The following KIAA0319L variants were observed in gnomAD, a reference collection of about 807,000 sequenced individuals.
The protein encoded by KIAA0319L is KIAA0319 like, also known as dyslexia-associated protein KIAA0319-like protein.
A neutral mutation model predicts 120.1 loss-of-function variants in KIAA0319L; 55 were observed. The ratio of observed to expected loss-of-function variants is 0.46; its 90% confidence interval spans 0.37 to 0.57. KIAA0319L has a LOEUF of 0.57. KIAA0319L is among the 20% of genes least tolerant of loss of function. The pLI, the probability that KIAA0319L is intolerant of heterozygous loss-of-function variation, is 0.00. For synonymous variants in KIAA0319L, 398 were observed against 471.9 expected, an observed-to-expected ratio of 0.84 and a Z score of 2.03; for missense variants, 1,049 against 1,255.3, an observed-to-expected ratio of 0.84 and a Z score of 2.48.
At position 35,437,830 on chromosome 1, in the gene KIAA0319L, T is replaced by C. The variant is rs1640905495; in HGVS notation, c.2963-2749A>G. Among the ~76,000 whole-genome samples, 1 of 152,194 alleles carries C rather than the reference T, an allele frequency of 6.6e-6. No individual in the cohort carries two copies. The highest frequency in any genetic ancestry group is 1.5e-5 in the Non-Finnish European group (1 of 68,034). On this transcript the variant is annotated intron_variant, in intron 20 of 20. Transcript: ENST00000325722. This position sits in a 1 kb window ranked among gnomAD's most constrained non-coding sequence, Gnocchi z 4.1. ...GGAGATTCCTATTTCTACAGTTCCA[T>C]GTCTGACTCTTCTGCTGAGTTCCAT...
intron 3 of KIAA0319L, among the ~76,000 whole-genome samples, chr1:35,486,754 A>AAAAAAAAAAC (rs1438554182): frequency 2.0e-5 from 3 of 151,178 alleles, no homozygotes; most frequent in African/African-American, 7.3e-5. Flanking sequence ...AAAAAAAAAA[A>AAAAAAAAAAC]ATTATAATTA....
At chr1:35,477,726 T>C (rs1203139) in intron 4 of KIAA0319L, among the ~76,000 whole-genome samples, 49,240 of 149,530 alleles carry the variant, frequency 0.33, 13,844 homozygotes, top group East Asian at 0.78. Flanking sequence ...GTTAAAATGG[T>C]TTTTATACAA....
In KIAA0319L at chr1:35,554,353, TTGACAACCACAGAACGCTGAAGCA is replaced by T. The variant is rs746791825; in HGVS notation, c.115_138del (p.Cys39_Ser46del). On this transcript the variant is annotated inframe_deletion, in exon 2 of 21. Coordinates refer to ENST00000325722, the MANE Select transcript of KIAA0319L (RefSeq NM_024874.5). ...AAATCTATAAAGAAAATAGTACCTG[TTGACAACCACAGAACGCTGAAGCA>T]AAAGCAAGTATAAAACAGGTACAGG... 6.4e-7 allele frequency: 1 copy of T among 1,572,744 alleles called. No homozygotes were observed. Among genetic ancestry groups the T allele is most frequent in the Non-Finnish European group, 8.6e-7 (1 of 1,166,422 alleles).
At position 35,434,141 on chromosome 1, in the gene KIAA0319L, G is replaced by A. The variant is rs1198040326; in HGVS notation, c.*753C>T. On this transcript the variant is annotated 3_prime_UTR_variant, in exon 21 of 21. Transcript: ENST00000325722. ...GCTCTGTCACTCAGGCTGGAGTGCAGTGGCACGATCTTGGCTCACTGCAGC... is the reference window on the plus strand; with the variant it reads ...GCTCTGTCACTCAGGCTGGAGTGCAATGGCACGATCTTGGCTCACTGCAGC... The A allele has an allele frequency of 6.8e-6, 1 of 147,648 alleles. No individual in the cohort carries two copies. Among genetic ancestry groups the A allele is most frequent in the Non-Finnish European group, 1.5e-5 (1 of 67,696 alleles). The allele number at this position is 147,648 out of a possible 1,614,324, so 9.1% of individuals were successfully genotyped here.
At chr1:35,513,288 A>ATATATTT (rs1414704674) in intron 2 of KIAA0319L, among the ~76,000 whole-genome samples, 11 of 85,300 alleles carry the variant, frequency 1.3e-4, no homozygotes, top group East Asian at 2.9e-4. Flanking sequence ...ATATATATAT[A>ATATATTT]TTTTTTTTTT....
At chr1:35,538,724 G>A (rs1411326459) in intron 2 of KIAA0319L, among the ~76,000 whole-genome samples, 1 of 151,958 alleles carries the variant, frequency 6.6e-6, no homozygotes, top group African/African-American at 2.4e-5. Flanking sequence ...CCATAATGTG[G>A]CACTGACATT....
Position 35,444,290 on chromosome 1 carries a change from A to G in KIAA0319L, c.2527T>C (p.Phe843Leu). The change falls in exon 17 of 21, where the codon TTT becomes CTT. Residue 843 changes from phenylalanine to leucine, a missense_variant. Coordinates refer to ENST00000325722, the MANE Select transcript of KIAA0319L (RefSeq NM_024874.5). ...TGGGGAGGCTCGTTTTGAACAAAAA[A>G]TACCATTTTGGTGCTGCAGAGACAT... ...PYTEQSTKMV[F>L]FVQNEPPHQI... 6.2e-7 allele frequency: 1 copy of G among 1,607,394 alleles called. No homozygotes were observed. Among genetic ancestry groups the G allele is most frequent in the Non-Finnish European group, 8.5e-7 (1 of 1,177,364 alleles).
intron 2 of KIAA0319L, among the ~76,000 whole-genome samples, chr1:35,518,875 G>A (rs1051130131): frequency 1.3e-5 from 2 of 151,096 alleles, no homozygotes; most frequent in Non-Finnish European, 2.9e-5. Flanking sequence ...ATGGTGGTGG[G>A]CACCTGTAAT....
At chr1:35,541,109 C>CT (rs1646770432) in intron 2 of KIAA0319L, among the ~76,000 whole-genome samples, 2 of 151,852 alleles carry the variant, frequency 1.3e-5, no homozygotes, top group South Asian at 4.2e-4. Flanking sequence ...GCACAGCTAA[C>CT]TTTTTATTAT....
intron 13 of KIAA0319L, among the ~76,000 whole-genome samples, chr1:35,450,809 G>A (rs1025907057): frequency 5.3e-5 from 8 of 152,200 alleles, no homozygotes; most frequent in Non-Finnish European, 1.0e-4. Flanking sequence ...TGCTTTGGAG[G>A]TATGTGATGA....
intron 14 of KIAA0319L, among the ~76,000 whole-genome samples, 172 bp from the exon 15 acceptor site, chr1:35,450,177 A>G (rs1180362768): frequency 1.3e-5 from 2 of 152,180 alleles, no homozygotes; most frequent in Non-Finnish European, 2.9e-5. Context: ...CAGGGAAGGG[A>G]AACCCATTCT....
chr1:35,547,453 C>T (rs533374877), intron 2 of KIAA0319L, among the ~76,000 whole-genome samples: 2 of 151,932 alleles, frequency 1.3e-5, no homozygotes, highest in South Asian at 4.1e-4. Flanking sequence ...TTAAGAGCAA[C>T]ATTGTTCATA....
intron 9 of KIAA0319L, among the ~76,000 whole-genome samples, chr1:35,456,955 G>GGAAGGAAA (rs1642513915): frequency 6.6e-6 from 1 of 151,590 alleles, no homozygotes; most frequent in African/African-American, 2.4e-5. Context: ...AAGGAAGGAA[G>GGAAGGAAA]GAAGGAAGCA....
In KIAA0319L at chr1:35,453,808, G is replaced by C. The variant is rs983558641; in HGVS notation, c.1781-119C>G. ...TGCCTCTCAGGCCACAGAACTGTCA[G>C]ATACTGTGGGAGATGTGGTTACCGT... is the stretch of plus-strand genomic sequence containing the variant. On this transcript the variant is annotated intron_variant, in intron 11 of 20. Coordinates refer to ENST00000325722, the MANE Select transcript of KIAA0319L (RefSeq NM_024874.5). This position sits in a 1 kb window ranked among gnomAD's most constrained non-coding sequence, Gnocchi z 4.1. The C allele has an allele frequency of 8.5e-6, 8 of 939,474 alleles. No homozygotes were observed. In the African/African-American group the frequency reaches 1.3e-4, roughly 16 times the overall value. The allele number at this position is 939,474 out of a possible 1,614,324, so 58.2% of individuals were successfully genotyped here.
chr1:35,539,366 C>T (rs1245253374), intron 2 of KIAA0319L, among the ~76,000 whole-genome samples: 2 of 152,168 alleles, frequency 1.3e-5, no homozygotes, highest in Non-Finnish European at 2.9e-5. Flanking sequence ...GTCTGCAGAC[C>T]TCAGGTCAGG....
upstream of KIAA0319L, chr1:35,557,476 C>T: frequency 2.8e-6 from 1 of 354,316 alleles, no homozygotes; most frequent in South Asian, 2.0e-5. Flanking sequence ...TCCCGCCCCT[C>T]CCCCGGGAAG....
At chr1:35,485,689 C>G (rs1265418547) in intron 3 of KIAA0319L, among the ~76,000 whole-genome samples, 2 of 152,232 alleles carry the variant, frequency 1.3e-5, no homozygotes, top group African/African-American at 4.8e-5. Context: ...TGTGGATTCT[C>G]TCCATTCATT....
chr1:35,486,378 A>AAT (rs10647208), intron 3 of KIAA0319L, among the ~76,000 whole-genome samples: 2 of 122,850 alleles, frequency 1.6e-5, no homozygotes, highest in East Asian at 4.6e-4. Flanking sequence ...TGTCTCAAGA[A>AAT]AAAAAAAAAA....
intron 3 of KIAA0319L, among the ~76,000 whole-genome samples, chr1:35,496,398 T>A (rs1644807302): frequency 6.6e-6 from 1 of 151,890 alleles, no homozygotes; most frequent in South Asian, 2.1e-4. Flanking sequence ...CTAGCCTGGG[T>A]GACACAGTGA....
Sources: gnomAD v4.1 joint callset for allele counts (sites outside exome capture counted in the v4.1 genomes callset) on GRCh38, gnomAD v4.1.1 for gene constraint, Gnocchi (gnomAD v3.1) non-coding constraint, MANE v1.5 for transcripts, NCBI Gene and HGNC (gene_info 2026-07-23, HGNC 2026-07-21) for gene names.